Variants in PDZRN4 observed in about 807,000 individuals in gnomAD.
PDZRN4 encodes the protein PDZ domain-containing RING finger protein 4.
In PDZRN4, 70 loss-of-function variants were observed where a neutral mutation model predicts 99.0. The ratio of observed to expected loss-of-function variants is 0.71; its 90% confidence interval spans 0.58 to 0.86. The LOEUF is 0.86. Ranked by LOEUF, PDZRN4 falls within the 40% of genes least tolerant of loss-of-function variation. The pLI, the probability that PDZRN4 is intolerant of heterozygous loss-of-function variation, is 0.00. For missense variants in PDZRN4, 1,474 were observed against 1,331.2 expected, an observed-to-expected ratio of 1.11 and a Z score of -1.67; for synonymous variants, 551 against 501.6, an observed-to-expected ratio of 1.10 and a Z score of -1.32.
chr12:41,542,962 A>G (rs1401046131), intron 5 of PDZRN4, among the ~76,000 whole-genome samples: 1 of 152,184 alleles, frequency 6.6e-6, no homozygotes, highest in African/African-American at 2.4e-5. Context: ...ATAAGATGGA[A>G]GCCACAGATT....
At chr12:41,427,079 C>A (rs528953214) in intron 3 of PDZRN4, among the ~76,000 whole-genome samples, 2 of 152,302 alleles carry the variant, frequency 1.3e-5, no homozygotes, top group Non-Finnish European at 2.9e-5. Flanking sequence ...TGGTCCATGT[C>A]TTAGCCCAGT....
chr12:41,556,538 T>C lies in PDZRN4; in HGVS notation c.1365+778T>C, dbSNP rs931687071. ...ACGTAGAAAAGGTATAGTAAAAGCA[T>C]GGTATTATAATCTTATGGGCCCATT... On this transcript the variant is annotated intron_variant, in intron 7 of 9. Transcript: ENST00000402685. 2.0e-5 allele frequency among the ~76,000 whole-genome samples: 3 copies of C among 152,212 alleles called. No homozygotes were observed. The East Asian group carries it at 5.8e-4, about 29-fold the overall frequency.
chr12:41,532,828 G>A (rs1223254997), intron 5 of PDZRN4, among the ~76,000 whole-genome samples: 1 of 152,110 alleles, frequency 6.6e-6, no homozygotes, highest in African/African-American at 2.4e-5. Flanking sequence ...TAAATTGCTT[G>A]TAACACTGCC....
intron 3 of PDZRN4, among the ~76,000 whole-genome samples, chr12:41,335,687 C>T (rs10880038): frequency 0.38 from 58,403 of 151,898 alleles, 11,315 homozygotes; most frequent in African/African-American, 0.41. Flanking sequence ...TTGTGGACTT[C>T]TGCTCAGTAG....
intron 3 of PDZRN4, among the ~76,000 whole-genome samples, chr12:41,441,580 A>G (rs1952681577): frequency 6.6e-6 from 1 of 152,132 alleles, no homozygotes; most frequent in Non-Finnish European, 1.5e-5. Context: ...ACCATGAAAT[A>G]GTTACAGGAT....
intron 1 of PDZRN4, among the ~76,000 whole-genome samples, chr12:41,190,460 G>A (rs963377430): frequency 3.9e-5 from 6 of 152,214 alleles, no homozygotes; most frequent in Admixed American, 3.9e-4. Context: ...TGAAGGAAAG[G>A]AGGAACAGCT....
At chr12:41,502,659 A>T (rs1369991614) in intron 3 of PDZRN4, among the ~76,000 whole-genome samples, 1 of 152,026 alleles carries the variant, frequency 6.6e-6, no homozygotes, top group Non-Finnish European at 1.5e-5. Flanking sequence ...TTTAAATGGG[A>T]CTCCTTTAAT....
At chr12:41,289,199 A>G (rs1951440577) in intron 3 of PDZRN4, among the ~76,000 whole-genome samples, 3 of 152,196 alleles carry the variant, frequency 2.0e-5, no homozygotes, top group African/African-American at 7.2e-5. Context: ...TCCATATATT[A>G]AGTTCATGCT....
intron 5 of PDZRN4, among the ~76,000 whole-genome samples, chr12:41,546,482 C>T (rs370414334): frequency 2.0e-5 from 3 of 152,176 alleles, no homozygotes; most frequent in South Asian, 2.1e-4. Flanking sequence ...ACTGTACGAT[C>T]TCAGTCCCAT....
At chr12:41,351,474 G>A (rs914257356) in intron 3 of PDZRN4, among the ~76,000 whole-genome samples, 1 of 152,060 alleles carries the variant, frequency 6.6e-6, no homozygotes, top group Admixed American at 6.6e-5. Flanking sequence ...TTGGCTTATG[G>A]TTCTATAGGC....
chr12:41,518,869 TC>T (rs1938447333), intron 5 of PDZRN4, among the ~76,000 whole-genome samples: 1 of 151,896 alleles, frequency 6.6e-6, no homozygotes. Context: ...GGATTATTGA[TC>T]CCAGGAGTTA....
intron 3 of PDZRN4, among the ~76,000 whole-genome samples, chr12:41,455,510 G>A (rs1325185772): frequency 6.6e-6 from 1 of 152,114 alleles, no homozygotes; most frequent in East Asian, 1.9e-4. Flanking sequence ...GGGGCGTTCT[G>A]AGAAAATCAG....
intron 3 of PDZRN4, among the ~76,000 whole-genome samples, chr12:41,286,956 A>AT (rs1055936893): frequency 6.6e-6 from 1 of 151,820 alleles, no homozygotes; most frequent in Non-Finnish European, 1.5e-5. Context: ...ACTTGTTTTT[A>AT]TTTTTTTAAT....
chr12:41,370,946 T>A (rs879861190), intron 3 of PDZRN4, among the ~76,000 whole-genome samples: 1 of 151,586 alleles, frequency 6.6e-6, no homozygotes, highest in Non-Finnish European at 1.5e-5. Flanking sequence ...CTTCTCTGTT[T>A]TAATCATATT....
intron 3 of PDZRN4, among the ~76,000 whole-genome samples, chr12:41,363,496 A>G (rs1384918563): frequency 6.6e-6 from 1 of 152,056 alleles, no homozygotes; most frequent in Non-Finnish European, 1.5e-5. Flanking sequence ...TGCATTTGTT[A>G]AGGATGTATT....
At chr12:41,318,434 A>G (rs898082426) in intron 3 of PDZRN4, among the ~76,000 whole-genome samples, 2 of 152,228 alleles carry the variant, frequency 1.3e-5, no homozygotes, top group Non-Finnish European at 2.9e-5. Context: ...GAAAACAAAG[A>G]AGAAAATAAG....
At chr12:41,547,325 C>T (rs557088553) in intron 5 of PDZRN4, among the ~76,000 whole-genome samples, 1 of 152,222 alleles carries the variant, frequency 6.6e-6, no homozygotes, top group South Asian at 2.1e-4. Context: ...GAAGTAATGA[C>T]ACAAAATTTA....
intron 7 of PDZRN4, among the ~76,000 whole-genome samples, chr12:41,556,172 C>T (rs1226074690): frequency 6.6e-6 from 1 of 152,212 alleles, no homozygotes; most frequent in Non-Finnish European, 1.5e-5. Flanking sequence ...ATATTAATGG[C>T]TATTATTACT....
intron 9 of PDZRN4, 133 bp downstream of exon 9, chr12:41,568,032 A>G: frequency 1.7e-6 from 1 of 598,070 alleles, no homozygotes. Context: ...TTTTTAGAGC[A>G]AATGATCATC....
Sources: allele counts gnomAD v4.1 joint callset (sites outside exome capture counted in the v4.1 genomes callset), GRCh38; gene constraint gnomAD v4.1.1; transcripts MANE v1.5; gene names NCBI Gene and HGNC (gene_info 2026-07-23, HGNC 2026-07-21).